The following SCAPER variants were observed in gnomAD, a reference collection of about 807,000 sequenced individuals.
SCAPER encodes the protein S-phase cyclin A associated protein in the ER, also known as S phase cyclin A-associated protein in the endoplasmic reticulum.
Under a neutral mutation model 182.2 loss-of-function variants are expected in SCAPER, and 98 were observed. The ratio of observed to expected loss-of-function variants is 0.54; its 90% CI spans 0.46 to 0.64. The LOEUF is 0.64. Among genes scored for constraint, SCAPER ranks in the 30% least tolerant of loss-of-function variants. The pLI is 0.00. For synonymous variants in SCAPER, 605 were observed against 564.6 expected (o/e 1.07, Z -1.01); for missense variants, 1,432 against 1,690.0 (o/e 0.85, Z 2.68).
At chr15:76,665,822 AG>A in intron 20 of SCAPER, 33 bp from the exon 21 acceptor site, 2 of 1,451,722 alleles carry the variant, frequency 1.4e-6, no homozygotes, top group Non-Finnish European at 1.8e-6. Flanking sequence ...AATAATAATG[AG>A]GATGATCATT....
At chr15:76,474,146 T>C (rs1250565687) in intron 24 of SCAPER, among the ~76,000 whole-genome samples, 3 of 152,192 alleles carry the variant, frequency 2.0e-5, no homozygotes, top group African/African-American at 7.2e-5. Context: ...TTGCCTGAAT[T>C]CTTCCCTTGG....
chr15:76,428,866 C>CTATA (rs375991391), intron 26 of SCAPER, among the ~76,000 whole-genome samples: 19,095 of 79,708 alleles, frequency 0.24, 3,069 homozygotes, highest in Non-Finnish European at 0.3. Flanking sequence ...GATCATTATA[C>CTATA]TATATATATA....
chr15:76,630,647 C>T (rs62026893), intron 21 of SCAPER, among the ~76,000 whole-genome samples: 11,764 of 152,126 alleles, frequency 0.077, 515 homozygotes, highest in Middle Eastern at 0.11. Flanking sequence ...AATTTGATTG[C>T]GCTGTGGTCT....
At chr15:76,703,409 G>A (rs187101193) in intron 18 of SCAPER, among the ~76,000 whole-genome samples, 452 of 152,192 alleles carry the variant, frequency 3.0e-3, no homozygotes, top group Non-Finnish European at 4.2e-3. Flanking sequence ...CCACTTCCTG[G>A]AACCCACCAT....
chr15:76,758,386 G>C (rs149488609), intron 14 of SCAPER, among the ~76,000 whole-genome samples: 1 of 152,266 alleles, frequency 6.6e-6, no homozygotes, highest in African/African-American at 2.4e-5. Context: ...TCAAAGACCA[G>C]TTGCCCATAA....
chr15:76,645,755 C>T (rs2054496053), intron 21 of SCAPER, among the ~76,000 whole-genome samples: 2 of 152,192 alleles, frequency 1.3e-5, no homozygotes, highest in South Asian at 4.2e-4. Context: ...AAATCATGTT[C>T]TATACACTTT....
chr15:76,382,502 C>G (rs1296558661), intron 27 of SCAPER, among the ~76,000 whole-genome samples: 3 of 151,540 alleles, frequency 2.0e-5, no homozygotes, highest in Non-Finnish European at 4.4e-5. Context: ...CCAGGCAATT[C>G]TGAATTAAGG....
chr15:76,618,104 A>C (rs2051664994), intron 22 of SCAPER, among the ~76,000 whole-genome samples: 1 of 152,096 alleles, frequency 6.6e-6, no homozygotes, highest in African/African-American at 2.4e-5. Flanking sequence ...TACTAAAAAC[A>C]TAAAAATTAG....
intron 11 of SCAPER, 52 bp downstream of exon 11, chr15:76,766,866 T>C (rs1215499388): frequency 6.8e-7 from 1 of 1,469,450 alleles, no homozygotes; most frequent in Non-Finnish European, 9.2e-7. Flanking sequence ...CAGATAATTT[T>C]GTTTCTAAAT....
chr15:76,880,686 T>C (rs949290578), intron 2 of SCAPER, among the ~76,000 whole-genome samples: 2 of 150,282 alleles, frequency 1.3e-5, no homozygotes, highest in African/African-American at 4.9e-5. Context: ...GAAACGAAGA[T>C]CTCTAACACT....
intron 20 of SCAPER, among the ~76,000 whole-genome samples, chr15:76,670,986 C>T (rs1347840642): frequency 6.6e-6 from 1 of 152,096 alleles, no homozygotes; most frequent in Non-Finnish European, 1.5e-5. Context: ...GCTTTTTCAA[C>T]ACTGAGGGAG....
intron 25 of SCAPER, among the ~76,000 whole-genome samples, chr15:76,443,825 C>T (rs1359639978): frequency 6.6e-6 from 1 of 152,180 alleles, no homozygotes. Flanking sequence ...CTTGGAAGAA[C>T]TGCAATAGGA....
intron 21 of SCAPER, among the ~76,000 whole-genome samples, chr15:76,652,287 T>A (rs1296536979): frequency 0.015 from 282 of 18,960 alleles, 42 homozygotes; most frequent in East Asian, 0.021. Flanking sequence ...TATATATATA[T>A]ATATATATAT....
chr15:76,836,709 T>C (rs1185593354), intron 5 of SCAPER, among the ~76,000 whole-genome samples: 2 of 151,642 alleles, frequency 1.3e-5, no homozygotes, highest in African/African-American at 2.4e-5. Flanking sequence ...CCGTCTCTAC[T>C]AAAAAATACA....
chr15:76,634,188 G>A (rs1374431156), intron 21 of SCAPER, among the ~76,000 whole-genome samples: 1 of 152,210 alleles, frequency 6.6e-6, no homozygotes, highest in African/African-American at 2.4e-5. Flanking sequence ...TTTCAGGGAG[G>A]AGTAGCATAG....
chr15:76,416,351 A>C (rs1156520431), intron 26 of SCAPER, among the ~76,000 whole-genome samples: 2 of 151,222 alleles, frequency 1.3e-5, no homozygotes, highest in African/African-American at 4.9e-5. Context: ...TAGCCAGGCG[A>C]GATGGCACAT....
chr15:76,757,312 T>C (rs1261481303), intron 14 of SCAPER, among the ~76,000 whole-genome samples: 1 of 152,134 alleles, frequency 6.6e-6, no homozygotes, highest in Non-Finnish European at 1.5e-5. Flanking sequence ...TGTGACTTTT[T>C]CCCATATTCC....
chr15:76,482,460 A>G (rs1433436760), intron 24 of SCAPER, among the ~76,000 whole-genome samples: 3 of 152,172 alleles, frequency 2.0e-5, no homozygotes, highest in African/African-American at 4.8e-5. Context: ...TCCCCCCAAG[A>G]TTGGGGACAA....
intron 28 of SCAPER, chr15:76,379,744 C>T (rs746407904): frequency 4.7e-5 from 7 of 149,028 alleles, no homozygotes; most frequent in Middle Eastern, 3.5e-3. Context: ...TTGACATTAT[C>T]GCCCATTATT....
Sources: allele counts gnomAD v4.1 joint callset (sites outside exome capture counted in the v4.1 genomes callset), GRCh38; gene constraint gnomAD v4.1.1; transcripts MANE v1.5; gene names NCBI Gene and HGNC (gene_info 2026-07-23, HGNC 2026-07-21).